Variants in ZNF618 observed in about 807,000 individuals in gnomAD.
The protein encoded by ZNF618 is neural precursor cell expressed, developmentally down-regulated 10.
ZNF618 carries 34 observed loss-of-function variants against 103.0 expected under a neutral mutation model. The ratio of observed to expected loss-of-function variants is 0.33; its 90% CI spans 0.25 to 0.44. ZNF618 has a LOEUF of 0.44. Ranked by LOEUF, ZNF618 falls within the 20% of genes least tolerant of loss-of-function variation. ZNF618 has a pLI of 1.00. For missense variants in ZNF618, 1,059 were observed against 1,295.4 expected (o/e 0.82, Z 2.80); for synonymous variants, 551 against 542.2 (o/e 1.02, Z -0.23).
intron 3 of ZNF618, among the ~76,000 whole-genome samples, chr9:113,990,715 G>A (rs1839976293): frequency 1.3e-5 from 2 of 152,150 alleles, no homozygotes; most frequent in African/African-American, 4.8e-5. Context: ...ACAGTCATTG[G>A]TTGGAACTAG....
chr9:113,883,687 T>C (rs1049117177), intron 1 of ZNF618, among the ~76,000 whole-genome samples: 1 of 152,194 alleles, frequency 6.6e-6, no homozygotes, highest in African/African-American at 2.4e-5. Context: ...TTTTAACACT[T>C]TGTGGCCAAT....
At chr9:113,920,258 C>T (rs1832517121) in intron 1 of ZNF618, among the ~76,000 whole-genome samples, 1 of 152,080 alleles carries the variant, frequency 6.6e-6, no homozygotes, top group African/African-American at 2.4e-5. Context: ...GGCGTGGAGC[C>T]CTTTAGGGGC....
chr9:113,988,683 A>T, intron 3 of ZNF618, 103 bp downstream of exon 3: 4 of 1,442,796 alleles, frequency 2.8e-6, no homozygotes, highest in Non-Finnish European at 3.7e-6. Flanking sequence ...TTCCTGGCTG[A>T]GAGAACCTTT....
At chr9:114,013,512 G>A (rs1842421806) in intron 9 of ZNF618, among the ~76,000 whole-genome samples, 1 of 152,126 alleles carries the variant, frequency 6.6e-6, no homozygotes, top group Non-Finnish European at 1.5e-5. Flanking sequence ...CTCACTGCAA[G>A]CTCCGCCTCC....
At chr9:113,905,072 G>A (rs994775558) in intron 1 of ZNF618, among the ~76,000 whole-genome samples, 19 of 146,780 alleles carry the variant, frequency 1.3e-4, no homozygotes, top group South Asian at 2.1e-4. Context: ...CTTGGAAACC[G>A]TTTGATTTTT....
chr9:113,885,140 G>A (rs1044171263), intron 1 of ZNF618, among the ~76,000 whole-genome samples: 6 of 152,082 alleles, frequency 3.9e-5, no homozygotes, highest in African/African-American at 1.4e-4. Context: ...TGGATTGGAT[G>A]GTGTCTCTCA....
intron 2 of ZNF618, among the ~76,000 whole-genome samples, chr9:113,972,285 G>T (rs1304825555): frequency 6.6e-6 from 1 of 152,180 alleles, no homozygotes; most frequent in Non-Finnish European, 1.5e-5. Flanking sequence ...CTGAGTTCTA[G>T]TGATGCACCC....
At chr9:114,025,175 G>A (rs1843389766) in intron 10 of ZNF618, among the ~76,000 whole-genome samples, 1 of 152,162 alleles carries the variant, frequency 6.6e-6, no homozygotes, top group South Asian at 2.1e-4. Flanking sequence ...GAAGATTCAC[G>A]AGGAGGGGTT....
At chr9:113,951,477 G>A (rs375083947) in intron 1 of ZNF618, among the ~76,000 whole-genome samples, 1 of 11,764 alleles carries the variant, frequency 8.5e-5, no homozygotes, top group African/African-American at 1.8e-4. Context: ...GTGTGTATGT[G>A]TACACATATA....
Position 113,933,239 on chromosome 9 carries a change from C to T in ZNF618, c.34-35878C>T, listed in dbSNP as rs566333046. Among the ~76,000 whole-genome samples, 67 of 152,210 alleles carry T rather than the reference C, an allele frequency of 4.4e-4. 1 individual carries two copies. The highest frequency in any genetic ancestry group is 2.7e-3 in the Admixed American group (42 of 15,302). The stretch of plus-strand genomic sequence containing the variant: ...TGGGAACTGAGGTAGAGCCAGTCAG[C>T]GTAGGTGCATTTTGAGTTTGCTCTA... On this transcript the variant is annotated intron_variant, in intron 1 of 14. Coordinates refer to ENST00000374126, the MANE Select transcript of ZNF618 (RefSeq NM_001318042.2).
chr9:114,011,362 T>G (rs894491930), intron 9 of ZNF618, among the ~76,000 whole-genome samples: 4 of 152,238 alleles, frequency 2.6e-5, no homozygotes, highest in African/African-American at 4.8e-5. Flanking sequence ...TCTCTGTATC[T>G]GTAACTAAGT....
At chr9:113,991,918 T>G (rs1243920926) in intron 3 of ZNF618, among the ~76,000 whole-genome samples, 2 of 152,198 alleles carry the variant, frequency 1.3e-5, no homozygotes, top group Non-Finnish European at 1.5e-5. Flanking sequence ...GCCAGAGTGC[T>G]CCCTGCTGTC....
intron 1 of ZNF618, among the ~76,000 whole-genome samples, chr9:113,917,415 T>A (rs1832229016): frequency 6.6e-6 from 1 of 151,484 alleles, no homozygotes; most frequent in African/African-American, 2.4e-5. Context: ...CTCGTCTATT[T>A]TTTTTTTTTT....
Position 114,016,777 on chromosome 9 carries a change from C to T in ZNF618, c.837C>T (p.Ala279=). 5.0e-6 allele frequency: 8 copies of T among 1,612,752 alleles called. No homozygotes were observed. Among genetic ancestry groups the T allele is most frequent in the Non-Finnish European group, 6.8e-6 (8 of 1,179,288 alleles). The stretch of plus-strand genomic sequence containing the variant: ...ACCAGGAGCATGTGGCCTTACACGC[C>T]CCCATCAGTGAGTACCTCCTCCCGG... ...TPYQEHVALH[A]PISTAPGWEP... Residue 279 remains alanine, a synonymous_variant, in exon 10 of 15, where the codon GCC becomes GCT. Transcript: ENST00000374126.
intron 6 of ZNF618, among the ~76,000 whole-genome samples, chr9:114,004,108 A>G (rs193149654): frequency 1.6e-4 from 24 of 152,364 alleles, no homozygotes; most frequent in African/African-American, 5.8e-4. Context: ...AAACCAGAGC[A>G]GTTTGAAGAG....
intron 5 of ZNF618, among the ~76,000 whole-genome samples, chr9:114,002,339 G>T (rs553122940): frequency 8.5e-5 from 13 of 152,308 alleles, no homozygotes; most frequent in African/African-American, 2.9e-4. Flanking sequence ...CTGGCCTCAC[G>T]CCTCCCAGGA....
rs146911567 is a variant in ZNF618 at position 113,994,029 on chromosome 9, G to A, written c.338-4230G>A. 6.0e-3 allele frequency among the ~76,000 whole-genome samples: 918 copies of A among 152,286 alleles called. 6 individuals carry two copies. The highest frequency in any genetic ancestry group is 9.4e-3 in the Non-Finnish European group (638 of 68,032). On this transcript the variant is annotated intron_variant, in intron 3 of 14. Transcript: ENST00000374126. ...GGGTCACTGGACAAAGTGCAGGAGC[G>A]GGAGTCAAGGATGAGATAGATGGGA...
intron 1 of ZNF618, among the ~76,000 whole-genome samples, chr9:113,906,364 G>C (rs2150013): frequency 0.075 from 11,446 of 152,176 alleles, 803 homozygotes; most frequent in East Asian, 0.3. Context: ...TCTCCTGGCT[G>C]TTCCTCCTTT....
intron 11 of ZNF618, among the ~76,000 whole-genome samples, chr9:114,032,073 G>A (rs950262240): frequency 2.6e-5 from 4 of 152,258 alleles, no homozygotes; most frequent in South Asian, 4.1e-4. Flanking sequence ...CATCCCTTCC[G>A]CTGGGGGAAC....
Sources: allele counts gnomAD v4.1 joint callset (sites outside exome capture counted in the v4.1 genomes callset), GRCh38; gene constraint gnomAD v4.1.1; transcripts MANE v1.5; gene names NCBI Gene and HGNC (gene_info 2026-07-23, HGNC 2026-07-21).